KYNU: variants seen among roughly 807,000 people sequenced by gnomAD.
KYNU encodes kynureninase.
KYNU carries 54 observed loss-of-function variants against 59.2 expected under a neutral mutation model. The ratio of observed to expected loss-of-function variants is 0.91; its 90% CI spans 0.73 to 1.14. The LOEUF is 1.14. Ranked by LOEUF, KYNU falls within the 50% of genes most tolerant of loss-of-function variation. The pLI, the probability that KYNU is intolerant of heterozygous loss-of-function variation, is 0.00. For synonymous variants in KYNU, 177 were observed against 192.0 expected, an observed-to-expected ratio of 0.92 and a Z score of 0.65; for missense variants, 567 against 554.4, an observed-to-expected ratio of 1.02 and a Z score of -0.23.
At chr2:142,964,277 T>C (rs1263172468) in intron 8 of KYNU, among the ~76,000 whole-genome samples, 1 of 152,056 alleles carries the variant, frequency 6.6e-6, no homozygotes, top group Non-Finnish European at 1.5e-5. Context: ...TTTTGGGGGG[T>C]ATACATTCAT....
At chr2:142,985,401 T>A (rs891373293) in intron 9 of KYNU, among the ~76,000 whole-genome samples, 9 of 151,844 alleles carry the variant, frequency 5.9e-5, no homozygotes, top group Non-Finnish European at 1.2e-4. Flanking sequence ...ATTCTTCAAT[T>A]CCTTGGCTGC....
At chr2:142,888,922 G>A (rs371920769) in intron 2 of KYNU, among the ~76,000 whole-genome samples, 1 of 150,270 alleles carries the variant, frequency 6.7e-6, no homozygotes, top group African/African-American at 2.5e-5. Context: ...CCATCATGTA[G>A]CACTCTAAAT....
At chr2:142,941,917 C>T (rs1683614109) in intron 4 of KYNU, among the ~76,000 whole-genome samples, 1 of 151,926 alleles carries the variant, frequency 6.6e-6, no homozygotes, top group African/African-American at 2.4e-5. Flanking sequence ...GCCTGTAATC[C>T]CAACACTTTG....
chr2:142,985,147 T>A lies in KYNU; in HGVS notation c.793T>A (p.Trp265Arg). 1.2e-6 allele frequency: 2 copies of A among 1,611,080 alleles called. No homozygotes were observed. The highest frequency in any genetic ancestry group is 1.7e-6 in the Non-Finnish European group (2 of 1,177,702). Reference sequence around the variant, plus strand: ...AAATGTTGAACTCTACTTACATGACTGGGGAGTTGATTTTGCCTGCTGGTG... The same window carrying A: ...AAATGTTGAACTCTACTTACATGACAGGGGAGTTGATTTTGCCTGCTGGTG... ...VGNVELYLHD[W>R]GVDFACWCSY... Residue 265 changes from tryptophan (W) to arginine (R), a missense_variant, in exon 9 of 14, where the codon TGG becomes AGG. Trp to Arg is a moderately radical substitution (Grantham distance 101). Coordinates refer to ENST00000264170, the MANE Select transcript of KYNU (RefSeq NM_003937.3).
rs961932445 is a variant in KYNU at position 143,039,149 on chromosome 2, G to A, written c.1042-1279G>A. 3.3e-5 allele frequency among the ~76,000 whole-genome samples: 5 copies of A among 152,070 alleles called. No homozygotes were observed. In the East Asian group the frequency reaches 7.7e-4, roughly 24 times the overall value. ...CACCAGTGCTAGAGTTTAGAAGGGGGGAAATGAGAGAAACCAAGCCCAAAT... is the reference window on the plus strand; with the variant it reads ...CACCAGTGCTAGAGTTTAGAAGGGGAGAAATGAGAGAAACCAAGCCCAAAT... On this transcript the variant is annotated intron_variant, in intron 12 of 13. Coordinates refer to ENST00000264170, the MANE Select transcript of KYNU (RefSeq NM_003937.3).
intron 3 of KYNU, among the ~76,000 whole-genome samples, chr2:142,926,672 G>C (rs1322305207): frequency 1.3e-5 from 2 of 152,202 alleles, no homozygotes; most frequent in African/African-American, 4.8e-5. Context: ...CTCCTCCCCA[G>C]GGTGGAGACT....
chr2:142,908,454 C>T (rs1164027669), intron 2 of KYNU, among the ~76,000 whole-genome samples: 9 of 150,546 alleles, frequency 6.0e-5, no homozygotes. Context: ...AATTAAATGC[C>T]AGGCCTCTGA....
At chr2:143,032,232 C>T (rs6709316) in intron 11 of KYNU, among the ~76,000 whole-genome samples, 131,936 of 151,666 alleles carry the variant, frequency 0.87, 57,567 homozygotes, top group Non-Finnish European at 0.91. Flanking sequence ...GAGCCAAGAT[C>T]GCGCCACTGC....
At chr2:142,991,383 C>A (rs1441599059) in intron 10 of KYNU, among the ~76,000 whole-genome samples, 2 of 151,910 alleles carry the variant, frequency 1.3e-5, no homozygotes, top group African/African-American at 4.8e-5. Context: ...AGATGTGTGA[C>A]TTCACAACAC....
intron 6 of KYNU, among the ~76,000 whole-genome samples, chr2:142,956,972 G>A (rs1022331801): frequency 6.6e-6 from 1 of 151,968 alleles, no homozygotes; most frequent in Non-Finnish European, 1.5e-5. Context: ...GTGAGACCTC[G>A]TCTCTATAAA....
At chr2:142,925,203 A>G (rs987091221) in intron 3 of KYNU, among the ~76,000 whole-genome samples, 2 of 152,196 alleles carry the variant, frequency 1.3e-5, no homozygotes, top group African/African-American at 4.8e-5. Context: ...TCCTTTAACT[A>G]CCATTTAATG....
chr2:142,893,745 A>G (rs1681784203), intron 2 of KYNU, among the ~76,000 whole-genome samples: 1 of 152,180 alleles, frequency 6.6e-6, no homozygotes, highest in Non-Finnish European at 1.5e-5. Flanking sequence ...TCTGTTGTCT[A>G]TTCCCACCTT....
At chr2:142,939,640 A>G (rs1340742193) in intron 4 of KYNU, among the ~76,000 whole-genome samples, 1 of 149,936 alleles carries the variant, frequency 6.7e-6, no homozygotes, top group Non-Finnish European at 1.5e-5. Context: ...GAAAAAGAAA[A>G]GATAACAGAT....
intron 8 of KYNU, among the ~76,000 whole-genome samples, chr2:142,961,750 GA>G (rs34205416): frequency 2.0e-5 from 3 of 151,196 alleles, no homozygotes; most frequent in African/African-American, 7.3e-5. Flanking sequence ...GTATTTATTT[GA>G]AAAAAAAGGG....
chr2:142,962,126 T>C (rs1222410402), intron 8 of KYNU, among the ~76,000 whole-genome samples: 1 of 152,228 alleles, frequency 6.6e-6, no homozygotes, highest in Admixed American at 6.5e-5. Flanking sequence ...TAAAAAATCA[T>C]ATTTTAAAAT....
rs1687259612 is a variant in KYNU, at chr2:143,051,168, C to T, written c.*8996C>T. 6.6e-6 allele frequency: 1 copy of T among 152,120 alleles called. No homozygotes were observed. The highest frequency in any genetic ancestry group is 2.4e-5 in the African/African-American group (1 of 41,446). 9.4% of individuals were successfully genotyped at this position (152,120 alleles called of 1,614,324 possible). On this transcript the variant is annotated 3_prime_UTR_variant, in exon 14 of 14. Transcript: ENST00000264170. ...ATTGCAGTAATTGTTTTGACTAATT[C>T]TCTAGTTTTTCAACTTTTGATTGTT...
rs1033450117 is a variant in KYNU, at chr2:143,054,970, T to C, written c.*12798T>C. 2 of 152,222 alleles carry C rather than the reference T, an allele frequency of 1.3e-5. No individual in the cohort carries two copies. Among genetic ancestry groups the C allele is most frequent in the Non-Finnish European group, 2.9e-5 (2 of 68,028 alleles). 9.4% of individuals were successfully genotyped at this position (152,222 alleles called of 1,614,324 possible). ...AGAAATGTATTTTTATCTAATTTGT[T>C]AGCTGTGATAATAGTATTGTGGGAG... On this transcript the variant is annotated 3_prime_UTR_variant, in exon 14 of 14. Transcript: ENST00000264170.
chr2:143,041,853 A>G (rs534787837), intron 13 of KYNU, among the ~76,000 whole-genome samples, 194 bp from the exon 14 acceptor site: 3 of 152,116 alleles, frequency 2.0e-5, no homozygotes, highest in Non-Finnish European at 4.4e-5. Context: ...ATCCATTCTT[A>G]TTTCTTAAAT....
At chr2:142,979,484 T>A (rs1391672674) in intron 8 of KYNU, among the ~76,000 whole-genome samples, 6 of 152,084 alleles carry the variant, frequency 3.9e-5, no homozygotes, top group African/African-American at 1.4e-4. Context: ...AAGAGAAAGA[T>A]GGTTAAAGAA....
Sources: allele counts gnomAD v4.1 joint callset (sites outside exome capture counted in the v4.1 genomes callset), GRCh38; gene constraint gnomAD v4.1.1; transcripts MANE v1.5; gene names NCBI Gene and HGNC (gene_info 2026-07-23, HGNC 2026-07-21).